Variants in FAF1 observed in about 807,000 individuals in gnomAD.
FAF1 encodes Fas associated factor 1, also known as FAS-associated factor 1.
FAF1 carries 25 observed loss-of-function variants against 92.5 expected under a neutral mutation model. The ratio of observed to expected loss-of-function variants is 0.27; its 90% CI spans 0.20 to 0.38. The LOEUF is 0.38. Among genes scored for constraint, FAF1 ranks in the 10% least tolerant of loss-of-function variants. The pLI, the probability that FAF1 is intolerant of heterozygous loss-of-function variation, is 1.00. For missense variants in FAF1, 636 were observed against 793.3 expected, an observed-to-expected ratio of 0.80 and a Z score of 2.38; for synonymous variants, 234 against 273.2, an observed-to-expected ratio of 0.86 and a Z score of 1.42.
intron 2 of FAF1, among the ~76,000 whole-genome samples, chr1:50,804,184 C>G (rs552766952): frequency 3.9e-5 from 6 of 152,126 alleles, no homozygotes; most frequent in Non-Finnish European, 7.4e-5. Context: ...TTGCCTTCTA[C>G]GTAGGACCAA....
At chr1:50,496,253 C>CT (rs1242659502) in intron 15 of FAF1, among the ~76,000 whole-genome samples, 3 of 152,182 alleles carry the variant, frequency 2.0e-5, no homozygotes, top group African/African-American at 7.2e-5. Context: ...GAATACCCTG[C>CT]TCCTTGCTCT....
intron 3 of FAF1, among the ~76,000 whole-genome samples, chr1:50,793,816 T>C (rs560224367): frequency 1.1e-4 from 17 of 152,316 alleles, no homozygotes; most frequent in African/African-American, 3.8e-4. Flanking sequence ...GATGACAACA[T>C]AGATTGGTCC....
At chr1:50,672,310 G>A in intron 7 of FAF1, among the ~76,000 whole-genome samples, 1 of 152,062 alleles carries the variant, frequency 6.6e-6, no homozygotes. Flanking sequence ...CAAAGTGCTG[G>A]GATTACAGGC....
At chr1:50,952,810 A>G (rs1296569026) in intron 1 of FAF1, among the ~76,000 whole-genome samples, 2 of 150,606 alleles carry the variant, frequency 1.3e-5, no homozygotes, top group East Asian at 2.0e-4. Flanking sequence ...CCGTCTGGGA[A>G]GCGAGGAGCC....
intron 4 of FAF1, among the ~76,000 whole-genome samples, chr1:50,772,519 T>C (rs1660809032): frequency 6.6e-6 from 1 of 151,988 alleles, no homozygotes; most frequent in Admixed American, 6.6e-5. Flanking sequence ...ACCACAGCCA[T>C]AAAAAAAGAA....
intron 16 of FAF1, 23 bp from the exon 17 acceptor site, chr1:50,490,688 A>G: frequency 7.0e-7 from 1 of 1,418,946 alleles, no homozygotes; most frequent in Non-Finnish European, 1.0e-6. Flanking sequence ...CAGAAAAGGA[A>G]CAAGCACTTA....
chr1:50,631,802 A>T (rs1653802364), intron 8 of FAF1, among the ~76,000 whole-genome samples: 1 of 152,200 alleles, frequency 6.6e-6, no homozygotes, highest in Admixed American at 6.5e-5. Context: ...TGAAAAACAT[A>T]AACAGAAAAT....
chr1:50,739,602 C>T (rs1301193205), intron 5 of FAF1, among the ~76,000 whole-genome samples: 1 of 152,056 alleles, frequency 6.6e-6, no homozygotes, highest in Non-Finnish European at 1.5e-5. Flanking sequence ...ATATATACTT[C>T]GTTTCAGGGT....
intron 13 of FAF1, among the ~76,000 whole-genome samples, chr1:50,550,823 A>C (rs1325702596): frequency 6.6e-6 from 1 of 152,240 alleles, no homozygotes; most frequent in Non-Finnish European, 1.5e-5. Context: ...TCATGCAACA[A>C]AACTCTCCCT....
At chr1:50,579,116 C>T (rs1415123237) in intron 12 of FAF1, among the ~76,000 whole-genome samples, 1 of 152,086 alleles carries the variant, frequency 6.6e-6, no homozygotes, top group East Asian at 1.9e-4. Flanking sequence ...TCAATTGTTT[C>T]ATTAGAAATA....
At chr1:50,814,154 C>G (rs1291920378) in intron 2 of FAF1, among the ~76,000 whole-genome samples, 2 of 152,122 alleles carry the variant, frequency 1.3e-5, no homozygotes, top group Non-Finnish European at 2.9e-5. Flanking sequence ...CTGCAGGTAA[C>G]TGAAACCACC....
At chr1:50,476,741 G>T (rs1646643358) in intron 17 of FAF1, among the ~76,000 whole-genome samples, 2 of 151,770 alleles carry the variant, frequency 1.3e-5, no homozygotes. Flanking sequence ...TTAAGAATTA[G>T]ATTTTAAAAG....
intron 7 of FAF1, among the ~76,000 whole-genome samples, chr1:50,691,076 G>A (rs1656900610): frequency 6.6e-6 from 1 of 152,088 alleles, no homozygotes; most frequent in African/African-American, 2.4e-5. Context: ...CAATTCTCTT[G>A]TTACATATCT....
chr1:50,530,238 G>GGTGTGTGTGTGTGTGTGTGTGT (rs72220248), intron 15 of FAF1, among the ~76,000 whole-genome samples: 6 of 141,590 alleles, frequency 4.2e-5, no homozygotes, highest in African/African-American at 1.6e-4. Context: ...TTTAAGAAGT[G>GGTGTGTGTGTGTGTGTGTGTGT]GTGTGTGTGT....
intron 5 of FAF1, among the ~76,000 whole-genome samples, chr1:50,742,565 G>T (rs1252527615): frequency 1.3e-5 from 2 of 152,088 alleles, no homozygotes; most frequent in Admixed American, 1.3e-4. Flanking sequence ...TATATTTTTA[G>T]TAGAGACAGG....
chr1:50,456,431 G>A (rs559191494), intron 18 of FAF1, among the ~76,000 whole-genome samples: 86 of 152,100 alleles, frequency 5.7e-4, no homozygotes, highest in Non-Finnish European at 8.5e-4. Flanking sequence ...CAAGACCACC[G>A]TAAGGAGGAG....
chr1:50,647,877 C>G, intron 8 of FAF1, among the ~76,000 whole-genome samples: 1 of 152,048 alleles, frequency 6.6e-6, no homozygotes, highest in Non-Finnish European at 1.5e-5. Flanking sequence ...GTGAAAAAAA[C>G]TTAAGTAGAA....
At chr1:50,513,171 T>C (rs1001959843) in intron 15 of FAF1, among the ~76,000 whole-genome samples, 5 of 152,130 alleles carry the variant, frequency 3.3e-5, no homozygotes. Flanking sequence ...GAAGGCCTCA[T>C]CTATGTGATA....
intron 7 of FAF1, among the ~76,000 whole-genome samples, chr1:50,663,998 CTTTT>C (rs555597172): frequency 1.6e-5 from 2 of 128,760 alleles, no homozygotes. Flanking sequence ...ATCTGTTAAT[CTTTT>C]TTTTTTTTTT....
Sources: allele counts gnomAD v4.1 joint callset (sites outside exome capture counted in the v4.1 genomes callset), GRCh38; gene constraint gnomAD v4.1.1; transcripts MANE v1.5; gene names NCBI Gene and HGNC (gene_info 2026-07-23, HGNC 2026-07-21).